Variants in CORO2A observed in about 807,000 individuals in gnomAD.
CORO2A encodes the protein coronin-2A.
A neutral mutation model predicts 62.4 loss-of-function variants in CORO2A; 47 were observed. The observed-to-expected ratio is 0.75, with a 90% CI of 0.60 to 0.96. The LOEUF (loss-of-function observed/expected upper bound fraction) is 0.96. Among genes scored for constraint, CORO2A ranks in the 40% least tolerant of loss-of-function variants. The pLI is 0.00. For synonymous variants in CORO2A, 273 were observed against 268.9 expected, an observed-to-expected ratio of 1.02 and a Z score of -0.15; for missense variants, 610 against 684.1, an observed-to-expected ratio of 0.89 and a Z score of 1.21.
At chr9:98,162,961 C>T (rs146730315) in intron 1 of CORO2A, among the ~76,000 whole-genome samples, 1 of 152,336 alleles carries the variant, frequency 6.6e-6, no homozygotes, top group East Asian at 1.9e-4. Context: ...CTTATCCTGC[C>T]CCATTCCATC....
At chr9:98,178,588 C>T (rs1289691410) in intron 1 of CORO2A, among the ~76,000 whole-genome samples, 1 of 152,022 alleles carries the variant, frequency 6.6e-6, no homozygotes, top group African/African-American at 2.4e-5. Flanking sequence ...TAAGGGAGTC[C>T]TCATTACCCT....
At chr9:98,148,802 C>A (rs376364338) in intron 2 of CORO2A, among the ~76,000 whole-genome samples, 4 of 132,952 alleles carry the variant, frequency 3.0e-5, no homozygotes, top group African/African-American at 8.4e-5. Flanking sequence ...CACACACACA[C>A]AAAACACAAA....
intron 2 of CORO2A, among the ~76,000 whole-genome samples, chr9:98,154,073 A>G (rs1827766357): frequency 6.6e-6 from 1 of 151,884 alleles, no homozygotes; most frequent in Admixed American, 6.6e-5. Flanking sequence ...TGTATCTTTT[A>G]TTTACTGTAA....
intron 1 of CORO2A, among the ~76,000 whole-genome samples, chr9:98,167,052 T>C (rs2181580): frequency 0.36 from 53,267 of 147,506 alleles, 9,595 homozygotes; most frequent in African/African-American, 0.43. Flanking sequence ...TGCAGTAAGC[T>C]ATGATTATAC....
rs117256347 is a variant in CORO2A, at chr9:98,127,309, C to T, written c.1172-486G>A. Reference sequence around the variant, plus strand: ...GGTCCGCTGCCCCCCAAGGCAGAGGCTCTTCCAGTACACCAGGAGGCCCGC... The same window carrying T: ...GGTCCGCTGCCCCCCAAGGCAGAGGTTCTTCCAGTACACCAGGAGGCCCGC... On this transcript the variant is annotated intron_variant, in intron 10 of 11. Coordinates refer to ENST00000375077, the MANE Select transcript of CORO2A (RefSeq NM_052820.4). Among the ~76,000 whole-genome samples, 53 of 152,342 alleles carry T rather than the reference C, an allele frequency of 3.5e-4. No individual in the cohort carries two copies. In the East Asian group the frequency reaches 0.01, roughly 29 times the overall value.
Position 98,126,658 on chromosome 9 carries a change from T to A in CORO2A, c.1337A>T (p.Glu446Val), listed in dbSNP as rs1180871610. 1.2e-6 allele frequency: 2 copies of A among 1,614,222 alleles called. No individual in the cohort carries two copies. The highest frequency in any genetic ancestry group is 1.1e-5 in the South Asian group (1 of 91,088). The change falls in exon 11 of 12, where the codon GAG becomes GTG. Residue 446 changes from glutamate (E) to valine (V), a missense_variant. Physicochemically the swap from Glu to Val is moderately radical, Grantham distance 121. Coordinates refer to ENST00000375077, the MANE Select transcript of CORO2A (RefSeq NM_052820.4). ...TGCTGCCCACCTTGGCATCTTCTCC[T>A]CCAACAGGGAGGAAGACCTCCAGCC... ...EDGWRSSSLL[E>V]EKMPRWAAEH...
intron 1 of CORO2A, among the ~76,000 whole-genome samples, chr9:98,192,250 G>T (rs1028367644): frequency 6.6e-6 from 1 of 152,246 alleles, no homozygotes; most frequent in African/African-American, 2.4e-5. Context: ...GGCAGGAGGG[G>T]TGGGCGGTGC....
At chr9:98,180,649 G>C (rs192242150) in intron 1 of CORO2A, among the ~76,000 whole-genome samples, 1 of 152,066 alleles carries the variant, frequency 6.6e-6, no homozygotes, top group African/African-American at 2.4e-5. Context: ...AGGTGAAAAT[G>C]CTCCACCTGC....
At chr9:98,149,229 A>G (rs715910) in intron 2 of CORO2A, among the ~76,000 whole-genome samples, 48,409 of 152,132 alleles carry the variant, frequency 0.32, 7,942 homozygotes, top group Non-Finnish European at 0.35. Flanking sequence ...AAAAGCAAAA[A>G]TAACGATTTG....
chr9:98,174,289 T>C (rs575844512), intron 1 of CORO2A, among the ~76,000 whole-genome samples: 40 of 152,346 alleles, frequency 2.6e-4, no homozygotes, highest in Middle Eastern at 6.8e-3. Flanking sequence ...GGGTCCATGA[T>C]AGCACCTACC....
chr9:98,187,053 G>T (rs1376671721), intron 1 of CORO2A, among the ~76,000 whole-genome samples: 1 of 152,138 alleles, frequency 6.6e-6, no homozygotes, highest in Admixed American at 6.5e-5. Context: ...GCTGAGGGGG[G>T]CAGATCATGA....
chr9:98,162,923 C>G (rs921580278), intron 1 of CORO2A, among the ~76,000 whole-genome samples: 4 of 152,234 alleles, frequency 2.6e-5, no homozygotes, highest in Admixed American at 6.5e-5. Flanking sequence ...ACAGCCGATT[C>G]GAGCCAGGTC....
At chr9:98,177,227 A>T (rs769924488) in intron 1 of CORO2A, among the ~76,000 whole-genome samples, 1 of 152,136 alleles carries the variant, frequency 6.6e-6, no homozygotes, top group African/African-American at 2.4e-5. Context: ...GTGAGGGGAA[A>T]CCTGGAGCAC....
chr9:98,130,915 AG>A, intron 7 of CORO2A, 39 bp downstream of exon 7: 1 of 1,536,184 alleles, frequency 6.5e-7, no homozygotes, highest in Non-Finnish European at 9.0e-7. Context: ...CCGCTGTCTC[AG>A]GGGTCCAGGA....
chr9:98,141,273 C>T (rs1314633425), intron 2 of CORO2A, among the ~76,000 whole-genome samples: 2 of 150,958 alleles, frequency 1.3e-5, no homozygotes, highest in Admixed American at 6.6e-5. Flanking sequence ...CCTGGCAGGG[C>T]GGTACCTGGA....
intron 2 of CORO2A, among the ~76,000 whole-genome samples, chr9:98,150,937 C>T (rs996353709): frequency 2.0e-5 from 3 of 152,208 alleles, no homozygotes; most frequent in Admixed American, 2.0e-4. Flanking sequence ...AGGCTCTGCT[C>T]AGCTAGCCCC....
intron 2 of CORO2A, among the ~76,000 whole-genome samples, chr9:98,139,885 T>C (rs1441417590): frequency 6.6e-6 from 1 of 152,214 alleles, no homozygotes; most frequent in Non-Finnish European, 1.5e-5. Context: ...TCCCCTTTCC[T>C]AATGAGAATT....
intron 3 of CORO2A, among the ~76,000 whole-genome samples, chr9:98,136,958 G>A (rs917963441): frequency 6.6e-6 from 1 of 152,194 alleles, no homozygotes; most frequent in African/African-American, 2.4e-5. Context: ...AAAGTGCTGA[G>A]ATTACAGGTG....
At chr9:98,174,664 T>C (rs75787358) in intron 1 of CORO2A, among the ~76,000 whole-genome samples, 4 of 152,136 alleles carry the variant, frequency 2.6e-5, no homozygotes, top group South Asian at 2.1e-4. Flanking sequence ...TGAGATCTGA[T>C]GGTTGAAAAG....
Sources: allele counts gnomAD v4.1 joint callset (sites outside exome capture counted in the v4.1 genomes callset), GRCh38; gene constraint gnomAD v4.1.1; transcripts MANE v1.5; gene names NCBI Gene and HGNC (gene_info 2026-07-23, HGNC 2026-07-21).